Variants in IQSEC1 observed in about 807,000 individuals in gnomAD.
IQSEC1 encodes IQ motif and Sec7 domain ArfGEF 1.
A neutral mutation model predicts 91.0 loss-of-function variants in IQSEC1; 31 were observed. The observed-to-expected ratio is 0.34, with a 90% CI of 0.26 to 0.46. The LOEUF (loss-of-function observed/expected upper bound fraction) is 0.46, where lower values mean the gene tolerates loss of function less well. IQSEC1 is among the 20% of genes least tolerant of loss of function. IQSEC1 has a pLI of 1.00. For synonymous variants in IQSEC1, 699 were observed against 662.6 expected (o/e 1.05, Z -0.84); for missense variants, 1,388 against 1,575.6 (o/e 0.88, Z 2.02).
intron 2 of IQSEC1, among the ~76,000 whole-genome samples, chr3:13,139,684 T>G (rs902545721): frequency 1.3e-5 from 2 of 152,236 alleles, no homozygotes; most frequent in African/African-American, 4.8e-5. Context: ...TCTTGGTTAC[T>G]AGAAAGAACT....
chr3:12,922,099 C>G lies in IQSEC1; in HGVS notation c.1853+21G>C, dbSNP rs201702470. On this transcript the variant is annotated intron_variant, in intron 5 of 13. Transcript: ENST00000613206. The surrounding 1 kb of genome is among the most constrained non-coding windows in gnomAD (Gnocchi z 5.1). ...CACCATTCTTCCCTGATGCAGCAGC[C>G]CCAGCCAGCCCGGGCCCCACCTGAA... The G allele has an allele frequency of 9.3e-4, 1,453 of 1,555,336 alleles. 33 individuals carry two copies. In the South Asian group the frequency reaches 0.016, roughly 17 times the overall value.
intron 1 of IQSEC1, among the ~76,000 whole-genome samples, chr3:12,982,788 G>A (rs534086010): frequency 1.3e-5 from 2 of 152,314 alleles, no homozygotes; most frequent in African/African-American, 4.8e-5. Flanking sequence ...CCTGTGGTGG[G>A]GCTGTTGTTG....
chr3:13,110,161 C>T (rs1353229439), intron 2 of IQSEC1, among the ~76,000 whole-genome samples: 3 of 151,746 alleles, frequency 2.0e-5, no homozygotes, highest in African/African-American at 7.2e-5. Flanking sequence ...GGATTACAGG[C>T]GTGAGCCACG....
intron 2 of IQSEC1, among the ~76,000 whole-genome samples, chr3:13,113,894 G>A (rs1181000951): frequency 1.3e-5 from 2 of 152,268 alleles, no homozygotes; most frequent in East Asian, 3.8e-4. Context: ...TGGCTAAAAT[G>A]TGCTACAGTG....
chr3:13,208,747 A>T (rs563252761), intron 1 of IQSEC1, among the ~76,000 whole-genome samples: 1 of 151,502 alleles, frequency 6.6e-6, no homozygotes, highest in East Asian at 1.9e-4. Context: ...GGAGCCCCCA[A>T]CTCCGACCCC....
intron 1 of IQSEC1, among the ~76,000 whole-genome samples, chr3:12,962,541 C>T (rs1700307073): frequency 6.6e-6 from 1 of 152,226 alleles, no homozygotes; most frequent in South Asian, 2.1e-4. Context: ...CCCATGGGAT[C>T]CAGTTCAGCA....
At chr3:13,077,158 C>G (rs1191275982), upstream of IQSEC1, among the ~76,000 whole-genome samples, 1 of 151,928 alleles carries the variant, frequency 6.6e-6, no homozygotes, top group African/African-American at 2.4e-5. Flanking sequence ...CTGCCTTAGC[C>G]TGGGACTATA....
chr3:13,073,178 GGGCGGGAGC>G lies in IQSEC1; in HGVS notation c.-173_-165del. The G allele has an allele frequency of 1.4e-6, 1 of 739,792 alleles. No individual in the cohort carries two copies. Among genetic ancestry groups the G allele is most frequent in the Non-Finnish European group, 2.2e-6 (1 of 447,938 alleles). 45.8% of individuals were successfully genotyped at this position (739,792 alleles called of 1,614,324 possible). On this transcript the variant is annotated 5_prime_UTR_variant, in exon 1 of 14. Transcript: ENST00000613206. ...GTGGCGGGCTCCTCCAGGGAGGCTG[GGGCGGGAGC>G]GGGGGGCGGCGCCAGCAGCGGGCTG...
At chr3:13,170,347 T>G (rs972570832) in intron 1 of IQSEC1, among the ~76,000 whole-genome samples, 3 of 152,248 alleles carry the variant, frequency 2.0e-5, no homozygotes, top group Non-Finnish European at 2.9e-5. Context: ...AGGCAGAAGT[T>G]TGCTGTAGGG....
rs1211209404 is a variant in IQSEC1, at chr3:12,983,586, G to T, written c.24-41721C>A. Among the ~76,000 whole-genome samples the T allele has an allele frequency of 1.3e-5, 2 of 152,132 alleles. No individual in the cohort carries two copies. The highest frequency in any genetic ancestry group is 6.5e-5 in the Admixed American group (1 of 15,272). On this transcript the variant is annotated intron_variant, in intron 1 of 13. Coordinates refer to ENST00000613206, the MANE Select transcript of IQSEC1 (RefSeq NM_001134382.3). The surrounding 1 kb of genome is among the most constrained non-coding windows in gnomAD (Gnocchi z 4.3). ...GCCTTGAGCAGGGTGCCCAGAGGGG[G>T]TGCTGAGCCAGCCCCTGGAGCCCAC...
intron 1 of IQSEC1, among the ~76,000 whole-genome samples, chr3:13,176,265 A>G (rs756376174): frequency 2.6e-5 from 4 of 152,206 alleles, no homozygotes; most frequent in East Asian, 1.9e-4. Context: ...ACCTCAGGAG[A>G]GACTCAGCCA....
intron 1 of IQSEC1, among the ~76,000 whole-genome samples, chr3:13,226,855 T>C (rs1444962131): frequency 1.3e-5 from 2 of 149,148 alleles, no homozygotes; most frequent in African/African-American, 2.5e-5. Flanking sequence ...CCTCCAGATC[T>C]CAGGGAGACC....
intron 2 of IQSEC1, among the ~76,000 whole-genome samples, chr3:13,132,853 T>C (rs95763): frequency 0.11 from 16,469 of 152,258 alleles, 1,140 homozygotes; most frequent in South Asian, 0.16. Context: ...CTCAATCCCA[T>C]GTTACAAGCG....
intron 1 of IQSEC1, among the ~76,000 whole-genome samples, chr3:13,013,224 G>A (rs1403686938): frequency 6.6e-6 from 1 of 152,132 alleles, no homozygotes; most frequent in African/African-American, 2.4e-5. Context: ...GCCTCCCAAG[G>A]TCTGGGCTCT....
At chr3:13,156,060 AAT>A (rs1350285214) in intron 2 of IQSEC1, among the ~76,000 whole-genome samples, 1 of 78,706 alleles carries the variant, frequency 1.3e-5, no homozygotes, top group African/African-American at 6.1e-5. Context: ...CTCTACTAAA[AAT>A]ACAAAAAAAA....
rs1443555761 is a variant in IQSEC1, at chr3:13,193,842, C to T, written c.273-29709G>A. Among the ~76,000 whole-genome samples, 1 of 152,236 alleles carries T rather than the reference C, an allele frequency of 6.6e-6. No homozygotes were observed. Among genetic ancestry groups the T allele is most frequent in the Non-Finnish European group, 1.5e-5 (1 of 68,040 alleles). ...CCTGTGTGACTCCACCAGCGGCCAGCAGCTTCCAGTGTCCATCAGTCAACC... is the reference window on the plus strand; with the variant it reads ...CCTGTGTGACTCCACCAGCGGCCAGTAGCTTCCAGTGTCCATCAGTCAACC... On this transcript the variant is annotated intron_variant, in intron 1 of 15. Coordinates refer to the IQSEC1 transcript ENST00000648114. The surrounding 1 kb of genome is among the most constrained non-coding windows in gnomAD (Gnocchi z 4.2).
chr3:12,931,961 C>G (rs868682942), intron 3 of IQSEC1, among the ~76,000 whole-genome samples: 1 of 152,356 alleles, frequency 6.6e-6, no homozygotes, highest in Middle Eastern at 3.4e-3. Flanking sequence ...CAGAGACAAG[C>G]TTCTCACTCC....
At chr3:13,059,406 C>T (rs987952702) in intron 1 of IQSEC1, among the ~76,000 whole-genome samples, 4 of 152,174 alleles carry the variant, frequency 2.6e-5, no homozygotes, top group South Asian at 2.1e-4. Flanking sequence ...AGACCACCTC[C>T]GGCTTTTCCT....
chr3:13,085,254 C>A (rs1364206791), intron 2 of IQSEC1, among the ~76,000 whole-genome samples: 1 of 152,098 alleles, frequency 6.6e-6, no homozygotes, highest in Non-Finnish European at 1.5e-5. Flanking sequence ...ACTGAACCGA[C>A]CAGAGCAGCC....
Sources: gnomAD v4.1 joint callset for allele counts (sites outside exome capture counted in the v4.1 genomes callset) on GRCh38, gnomAD v4.1.1 for gene constraint, Gnocchi (gnomAD v3.1) non-coding constraint, MANE v1.5 for transcripts, NCBI Gene and HGNC (gene_info 2026-07-23, HGNC 2026-07-21) for gene names.